The following LZIC variants were observed in gnomAD, a reference collection of about 807,000 sequenced individuals.
LZIC encodes the protein leucine zipper and CTNNBIP1 domain containing.
LZIC carries 28 observed loss-of-function variants against 25.4 expected under a neutral mutation model. The observed-to-expected ratio is 1.10, with a 90% CI of 0.82 to 1.51. The LOEUF (loss-of-function observed/expected upper bound fraction) is 1.51, where lower values mean the gene tolerates loss of function less well. Among genes scored for constraint, LZIC ranks in the 40% most tolerant of loss-of-function variants. The pLI is 0.00. For synonymous variants in LZIC, 65 were observed against 70.7 expected (o/e 0.92, Z 0.40); for missense variants, 170 against 211.1 (o/e 0.81, Z 1.21).
At chr1:9,932,048 T>C in intron 6 of LZIC, 76 bp from the exon 7 acceptor site, 3 of 1,051,952 alleles carry the variant, frequency 2.9e-6, no homozygotes, top group Non-Finnish European at 4.0e-6. Flanking sequence ...AAGAATGTCT[T>C]AGGAGGCTGG....
At chr1:9,937,890 ATAGT>A (rs1640531559) in intron 2 of LZIC, among the ~76,000 whole-genome samples, 3 of 149,546 alleles carry the variant, frequency 2.0e-5, no homozygotes, top group South Asian at 4.3e-4. Context: ...TATATGAAAG[ATAGT>A]TAAACAAAGA....
chr1:9,941,924 A>ATTT (rs1557447893), intron 2 of LZIC, among the ~76,000 whole-genome samples: 1 of 150,694 alleles, frequency 6.6e-6, no homozygotes, highest in Non-Finnish European at 1.5e-5. Flanking sequence ...TTTTTTTTTA[A>ATTT]AATTTTTTTT....
At chr1:9,942,390 A>T (rs948448701) in intron 2 of LZIC, among the ~76,000 whole-genome samples, 14 of 152,226 alleles carry the variant, frequency 9.2e-5, no homozygotes, top group Admixed American at 3.3e-4. Flanking sequence ...TCACGTATAT[A>T]AAGGCTCAAC....
rs1345037796 is a variant in LZIC, at chr1:9,927,916, G to A, written c.*2483C>T. On this transcript the variant is annotated 3_prime_UTR_variant, in exon 8 of 8. Coordinates refer to ENST00000377223, the MANE Select transcript of LZIC (RefSeq NM_032368.5). ...TCTTGAGCTCCTGATCTTGTGATCC[G>A]CCCGCCTTGGCCTCCTGAAGTGCTG... 6.6e-6 allele frequency among the ~76,000 whole-genome samples: 1 copy of A among 151,764 alleles called. No individual in the cohort carries two copies. Among genetic ancestry groups the A allele is most frequent in the African/African-American group, 2.4e-5 (1 of 41,330 alleles).
intron 2 of LZIC, among the ~76,000 whole-genome samples, chr1:9,940,208 G>A (rs1025234646): frequency 2.6e-5 from 4 of 151,648 alleles, no homozygotes; most frequent in Admixed American, 1.3e-4. Context: ...ACAGAGTCTT[G>A]CTCTGTCGCC....
chr1:9,930,526 G>GA (rs1035689155), intron 7 of LZIC, 69 bp from the exon 8 acceptor site: 23 of 1,594,854 alleles, frequency 1.4e-5, no homozygotes, highest in East Asian at 4.5e-5. Flanking sequence ...GGTAAAGTGG[G>GA]AAAAAATCTA....
intron 2 of LZIC, among the ~76,000 whole-genome samples, chr1:9,939,121 C>T (rs1305456202): frequency 2.0e-5 from 3 of 152,048 alleles, no homozygotes; most frequent in African/African-American, 4.8e-5. Flanking sequence ...TCTGTCGCCC[C>T]GACTGGAGTG....
At chr1:9,938,539 T>C (rs779854990) in intron 2 of LZIC, among the ~76,000 whole-genome samples, 1 of 152,178 alleles carries the variant, frequency 6.6e-6, no homozygotes, top group East Asian at 1.9e-4. Context: ...CTTACTGATT[T>C]ATAACATGGA....
In LZIC at chr1:9,929,260, T is replaced by C. The variant is rs1331464440; in HGVS notation, c.*1139A>G. ...TAATCTGTCTGGTTGGCAAAGCACC[T>C]AGTAGTTTACAGTACAGAAGAAGCT... is the stretch of plus-strand genomic sequence containing the variant. On this transcript the variant is annotated 3_prime_UTR_variant, in exon 8 of 8. Transcript: ENST00000377223. The C allele has an allele frequency of 7.2e-6, 7 of 967,070 alleles. No individual in the cohort carries two copies. In the African/African-American group the frequency reaches 1.2e-4, roughly 17 times the overall value. 59.9% of individuals were successfully genotyped at this position (967,070 alleles called of 1,614,324 possible).
intron 2 of LZIC, among the ~76,000 whole-genome samples, chr1:9,941,484 C>T (rs1570656551): frequency 6.7e-6 from 1 of 149,392 alleles, no homozygotes; most frequent in Non-Finnish European, 1.5e-5. Flanking sequence ...TGTAAGCTAT[C>T]GTGCCTAGCC....
rs537886432 is a variant in LZIC at position 9,943,322 on chromosome 1, G to C, written c.-241C>G. On this transcript the variant is annotated 5_prime_UTR_variant, in exon 1 of 8. Transcript: ENST00000377223. ...GCCGCCTGACCGCCCGCCAGTCCCAGAGTTTAGGGCCAGGGGCCCCGCCTA... is the reference window on the plus strand; with the variant it reads ...GCCGCCTGACCGCCCGCCAGTCCCACAGTTTAGGGCCAGGGGCCCCGCCTA... 1.3e-5 allele frequency: 2 copies of C among 153,968 alleles called. No individual in the cohort carries two copies. Among genetic ancestry groups the C allele is most frequent in the South Asian group, 3.8e-4 (2 of 5,216 alleles). 9.5% of individuals were successfully genotyped at this position (153,968 alleles called of 1,614,324 possible).
chr1:9,939,313 C>T (rs1228568623), intron 2 of LZIC, among the ~76,000 whole-genome samples: 1 of 151,594 alleles, frequency 6.6e-6, no homozygotes, highest in African/African-American at 2.4e-5. Context: ...CCACTCACCC[C>T]AGCCTCCCAA....
Position 9,929,611 on chromosome 1 carries a change from G to A in LZIC, c.*788C>T, listed in dbSNP as rs2101582662. On this transcript the variant is annotated 3_prime_UTR_variant, in exon 8 of 8. Coordinates refer to ENST00000377223, the MANE Select transcript of LZIC (RefSeq NM_032368.5). ...CTGGTCAAACAACGCAGGCGGCTAA[G>A]TCACTTTAGGAAACGCTCAACAGGG... 3 of 985,382 alleles carry A rather than the reference G, an allele frequency of 3.0e-6. No individual in the cohort carries two copies. The highest frequency in any genetic ancestry group is 9.4e-5 in the South Asian group (2 of 21,280). 61.0% of individuals were successfully genotyped at this position (985,382 alleles called of 1,614,324 possible). A position where few individuals can be genotyped will look rare whatever the true frequency, so the allele number is the denominator to read the frequency against.
At chr1:9,922,369 A>G, downstream of LZIC, 1 of 965,368 alleles carries the variant, frequency 1.0e-6, no homozygotes, top group East Asian at 1.1e-4. Context: ...CTGGGGAGCG[A>G]AAGTGAACTA....
chr1:9,939,097 A>T (rs1036763542), intron 2 of LZIC, among the ~76,000 whole-genome samples: 1 of 151,184 alleles, frequency 6.6e-6, no homozygotes, highest in Non-Finnish European at 1.5e-5. Context: ...TTTTTTTTTT[A>T]GACTGAGTCT....
At chr1:9,933,254 CAAAAAAAAAAAAAAA>C (rs60791463) in intron 5 of LZIC, among the ~76,000 whole-genome samples, 1 of 43,374 alleles carries the variant, frequency 2.3e-5, no homozygotes, top group African/African-American at 8.9e-5. Flanking sequence ...GACTCCACCA[CAAAAAAAAAAAAAAA>C]AAAAAAAAAA....
chr1:9,939,774 T>G (rs940943438), intron 2 of LZIC, among the ~76,000 whole-genome samples: 2 of 152,132 alleles, frequency 1.3e-5, no homozygotes, highest in Non-Finnish European at 2.9e-5. Flanking sequence ...TCTTGTGCAC[T>G]TTCTCTTCCA....
chr1:9,933,346 C>T lies in LZIC; in HGVS notation c.337-448G>A, dbSNP rs376435850. Among the ~76,000 whole-genome samples, 94 of 146,520 alleles carry T rather than the reference C, an allele frequency of 6.4e-4. 5 individuals are homozygous for T. In the South Asian group the frequency reaches 0.02, roughly 31 times the overall value. ...CAGACGTACTTCTTAAAAAAAAATC[C>T]TCTAGCTGATTAATATTATAAAGAA... On this transcript the variant is annotated intron_variant, in intron 5 of 7. Transcript: ENST00000377223.
downstream of LZIC, among the ~76,000 whole-genome samples, chr1:9,925,886 C>CTTTTTTT (rs70998325): frequency 4.6e-5 from 2 of 43,470 alleles, no homozygotes; most frequent in African/African-American, 1.6e-4. Flanking sequence ...CCACTCATGC[C>CTTTTTTT]TTTTTTTTTT....
Sources: allele counts gnomAD v4.1 joint callset (sites outside exome capture counted in the v4.1 genomes callset), GRCh38; gene constraint gnomAD v4.1.1; transcripts MANE v1.5; gene names NCBI Gene and HGNC (gene_info 2026-07-23, HGNC 2026-07-21).